The following CTNND2 variants were observed in gnomAD, a reference collection of about 807,000 sequenced individuals.
The protein encoded by CTNND2 is catenin delta 2, also known as catenin delta-2.
CTNND2 carries 22 observed loss-of-function variants against 144.4 expected under a neutral mutation model. The ratio of observed to expected loss-of-function variants is 0.15; its 90% confidence interval spans 0.11 to 0.22. The LOEUF (loss-of-function observed/expected upper bound fraction) is 0.22, where lower values mean the gene tolerates loss of function less well. CTNND2 is among the 10% of genes least tolerant of loss of function. CTNND2 has a pLI of 1.00. For synonymous variants in CTNND2, 751 were observed against 695.6 expected, an observed-to-expected ratio of 1.08 and a Z score of -1.25; for missense variants, 1,353 against 1,618.8, an observed-to-expected ratio of 0.84 and a Z score of 2.82.
intron 9 of CTNND2, among the ~76,000 whole-genome samples, chr5:11,265,878 AT>A (rs1745392951): frequency 6.6e-6 from 1 of 151,354 alleles, no homozygotes; most frequent in East Asian, 1.9e-4. Flanking sequence ...TGCTCAGGTA[AT>A]TTTTTTATTT....
intron 1 of CTNND2, among the ~76,000 whole-genome samples, chr5:11,795,941 G>C (rs2126877254): frequency 1.3e-5 from 2 of 152,308 alleles, no homozygotes; most frequent in Middle Eastern, 6.8e-3. Flanking sequence ...ATTCTTTCCT[G>C]GATGATCTGG....
At chr5:11,874,841 T>C (rs1735434984) in intron 1 of CTNND2, among the ~76,000 whole-genome samples, 2 of 152,190 alleles carry the variant, frequency 1.3e-5, no homozygotes, top group Non-Finnish European at 2.9e-5. Flanking sequence ...CCACAATCCC[T>C]TACCCAGATA....
chr5:11,662,180 T>C (rs184388662), intron 2 of CTNND2, among the ~76,000 whole-genome samples: 161 of 136,320 alleles, frequency 1.2e-3, no homozygotes, highest in Non-Finnish European at 1.8e-3. Flanking sequence ...TATATATACA[T>C]ATATGTGTAT....
At chr5:11,018,987 G>A (rs1352591734) in intron 17 of CTNND2, among the ~76,000 whole-genome samples, 3 of 152,230 alleles carry the variant, frequency 2.0e-5, no homozygotes, top group Middle Eastern at 3.4e-3. Flanking sequence ...GATTACAGAC[G>A]TGATCCACCG....
At chr5:11,698,043 T>G (rs114368853) in intron 2 of CTNND2, among the ~76,000 whole-genome samples, 2,387 of 152,202 alleles carry the variant, frequency 0.016, 68 homozygotes, top group African/African-American at 0.054. Context: ...ATTTTAAAAA[T>G]CAGTCTGGTT....
At chr5:11,829,960 G>C (rs1204771525) in intron 1 of CTNND2, among the ~76,000 whole-genome samples, 5 of 152,240 alleles carry the variant, frequency 3.3e-5, no homozygotes, top group Admixed American at 2.6e-4. Context: ...ACATGACCTG[G>C]ATGTGAGACA....
chr5:11,578,230 T>G (rs1441482866), intron 2 of CTNND2, among the ~76,000 whole-genome samples: 1 of 152,226 alleles, frequency 6.6e-6, no homozygotes, highest in Non-Finnish European at 1.5e-5. Context: ...GAGGGAGTTA[T>G]TATTAAAATT....
chr5:11,256,297 C>T lies in CTNND2; in HGVS notation c.1629-19474G>A, dbSNP rs1044012598. Among the ~76,000 whole-genome samples the T allele has an allele frequency of 8.5e-5, 13 of 152,262 alleles. 1 individual carries two copies. The highest frequency in any genetic ancestry group is 3.9e-4 in the Admixed American group (6 of 15,300). ...ATACATAAAACCCATTTGTGGGTCA[C>T]ACCACTCTGAAAAAAATACTGTCTG... On this transcript the variant is annotated intron_variant, in intron 9 of 21. Transcript: ENST00000304623.
At chr5:11,318,035 T>C in intron 9 of CTNND2, among the ~76,000 whole-genome samples, 1 of 152,184 alleles carries the variant, frequency 6.6e-6, no homozygotes, top group Non-Finnish European at 1.5e-5. Flanking sequence ...AATGAGCATG[T>C]GTGGCATGCT....
At chr5:11,606,079 GAT>G in intron 2 of CTNND2, among the ~76,000 whole-genome samples, 1 of 152,268 alleles carries the variant, frequency 6.6e-6, no homozygotes, top group South Asian at 2.1e-4. Flanking sequence ...AGGTAAGAGA[GAT>G]GCAAAGCCAA....
At chr5:11,577,239 C>A (rs1778041214) in intron 2 of CTNND2, among the ~76,000 whole-genome samples, 1 of 152,152 alleles carries the variant, frequency 6.6e-6, no homozygotes, top group Admixed American at 6.5e-5. Flanking sequence ...AGCAGTAGGG[C>A]AACAGATGCT....
chr5:11,480,392 T>A (rs1768130838), intron 3 of CTNND2, among the ~76,000 whole-genome samples: 2 of 152,330 alleles, frequency 1.3e-5, no homozygotes, highest in South Asian at 4.1e-4. Context: ...AAACACAGAC[T>A]GCACTAACTG....
intron 3 of CTNND2, among the ~76,000 whole-genome samples, chr5:11,428,294 T>C (rs1410492206): frequency 6.6e-6 from 1 of 152,176 alleles, no homozygotes; most frequent in Admixed American, 6.5e-5. Context: ...CAATCCCTGG[T>C]TCAAAAGCCT....
chr5:11,360,305 T>C (rs1756317112), intron 8 of CTNND2, among the ~76,000 whole-genome samples: 1 of 152,204 alleles, frequency 6.6e-6, no homozygotes, highest in South Asian at 2.1e-4. Context: ...ACATATCTTA[T>C]CTTCAATGTC....
intron 16 of CTNND2, among the ~76,000 whole-genome samples, chr5:11,063,192 C>T (rs1281363975): frequency 1.3e-5 from 2 of 151,654 alleles, no homozygotes; most frequent in East Asian, 1.9e-4. Context: ...TAATGTTTCT[C>T]GGTATTTAAA....
chr5:11,563,132 T>C (rs1390959483), intron 3 of CTNND2, among the ~76,000 whole-genome samples: 1 of 152,228 alleles, frequency 6.6e-6, no homozygotes, highest in East Asian at 1.9e-4. Flanking sequence ...AACCAGGAAT[T>C]GGAAATTGAT....
chr5:11,318,513 C>T (rs994872939), intron 9 of CTNND2, among the ~76,000 whole-genome samples: 1 of 152,110 alleles, frequency 6.6e-6, no homozygotes, highest in African/African-American at 2.4e-5. Context: ...ATCCTTAGCT[C>T]TTAGGCCCCT....
At chr5:11,676,024 G>A (rs1365446596) in intron 2 of CTNND2, among the ~76,000 whole-genome samples, 1 of 151,802 alleles carries the variant, frequency 6.6e-6, no homozygotes, top group Non-Finnish European at 1.5e-5. Context: ...GTGGGTCCCT[G>A]ACCCTTGTGT....
intron 21 of CTNND2, among the ~76,000 whole-genome samples, chr5:10,975,008 T>G (rs1039868097): frequency 2.0e-5 from 3 of 152,182 alleles, no homozygotes; most frequent in African/African-American, 7.2e-5. Context: ...GCTGAATGAA[T>G]GAGGTTTCTG....
Sources: gnomAD v4.1 joint callset for allele counts (sites outside exome capture counted in the v4.1 genomes callset) on GRCh38, gnomAD v4.1.1 for gene constraint, MANE v1.5 for transcripts, NCBI Gene and HGNC (gene_info 2026-07-23, HGNC 2026-07-21) for gene names.